UBE2E2: variants seen among roughly 807,000 people sequenced by gnomAD.
UBE2E2 encodes ubiquitin-conjugating enzyme E2 E2.
UBE2E2 carries 6 observed loss-of-function variants against 24.7 expected under a neutral mutation model. The observed-to-expected ratio is 0.24, with a 90% CI of 0.13 to 0.48. UBE2E2 has a LOEUF of 0.48. Ranked by LOEUF, UBE2E2 falls within the 20% of genes least tolerant of loss-of-function variation. The probability of loss-of-function intolerance (pLI) is 0.99; values close to 1 mark genes in which losing one functional copy is unlikely to be tolerated. For missense variants in UBE2E2, 169 were observed against 245.0 expected, an observed-to-expected ratio of 0.69 and a Z score of 2.07; for synonymous variants, 104 against 83.6, an observed-to-expected ratio of 1.24 and a Z score of -1.33.
intron 3 of UBE2E2, among the ~76,000 whole-genome samples, chr3:23,391,016 A>T (rs1696921739): frequency 6.6e-6 from 1 of 152,206 alleles, no homozygotes; most frequent in Non-Finnish European, 1.5e-5. Context: ...TTCAATGCTT[A>T]TTGTTTGTTT....
intron 3 of UBE2E2, among the ~76,000 whole-genome samples, chr3:23,260,973 T>A (rs1296341395): frequency 1.3e-5 from 2 of 152,068 alleles, no homozygotes; most frequent in East Asian, 3.9e-4. Context: ...CGTGGTGGCA[T>A]GTGCCTGTAG....
chr3:23,573,763 T>A (rs1390757409), intron 5 of UBE2E2, among the ~76,000 whole-genome samples: 1 of 152,210 alleles, frequency 6.6e-6, no homozygotes, highest in East Asian at 1.9e-4. Context: ...CTGCTTGTTG[T>A]CAGCTGATTA....
At chr3:23,266,501 C>A (rs539698932) in intron 3 of UBE2E2, among the ~76,000 whole-genome samples, 1 of 151,762 alleles carries the variant, frequency 6.6e-6, no homozygotes, top group East Asian at 1.9e-4. Flanking sequence ...GAGTTTCTGC[C>A]GAGAGATCAG....
intron 3 of UBE2E2, among the ~76,000 whole-genome samples, chr3:23,220,687 C>A (rs1696608520): frequency 6.6e-6 from 1 of 152,184 alleles, no homozygotes; most frequent in South Asian, 2.1e-4. Context: ...AGGTGCTGGG[C>A]AGTTGGTTAG....
At chr3:23,505,849 A>T (rs1047427039) in intron 4 of UBE2E2, among the ~76,000 whole-genome samples, 2 of 152,010 alleles carry the variant, frequency 1.3e-5, no homozygotes, top group Non-Finnish European at 2.9e-5. Flanking sequence ...CAAAATCTTT[A>T]TTTTTCTCAT....
chr3:23,361,966 C>T (rs1696127300), intron 3 of UBE2E2, among the ~76,000 whole-genome samples: 1 of 152,136 alleles, frequency 6.6e-6, no homozygotes, highest in South Asian at 2.1e-4. Context: ...TAATTGTATA[C>T]ATACTTAATC....
chr3:23,537,712 T>G (rs1695298664), intron 5 of UBE2E2, among the ~76,000 whole-genome samples: 1 of 152,174 alleles, frequency 6.6e-6, no homozygotes, highest in South Asian at 2.1e-4. Context: ...TGAAAACAAT[T>G]CTTATTCATA....
intron 3 of UBE2E2, among the ~76,000 whole-genome samples, chr3:23,230,607 A>G (rs950519349): frequency 6.6e-6 from 1 of 152,022 alleles, no homozygotes; most frequent in African/African-American, 2.4e-5. Flanking sequence ...GAACATGGTG[A>G]AACCCCGTCT....
intron 3 of UBE2E2, among the ~76,000 whole-genome samples, chr3:23,427,819 G>C (rs1282015971): frequency 6.6e-6 from 1 of 152,212 alleles, no homozygotes; most frequent in African/African-American, 2.4e-5. Flanking sequence ...TGTCAGAGAT[G>C]AAGAGGGGCA....
At chr3:23,255,571 A>C (rs1697699422) in intron 3 of UBE2E2, among the ~76,000 whole-genome samples, 1 of 152,180 alleles carries the variant, frequency 6.6e-6, no homozygotes, top group Non-Finnish European at 1.5e-5. Flanking sequence ...AAAGTTGTAG[A>C]GTCAAAGTAG....
chr3:23,481,011 TC>T (rs144108685), intron 3 of UBE2E2, among the ~76,000 whole-genome samples: 2,115 of 152,316 alleles, frequency 0.014, 51 homozygotes, highest in African/African-American at 0.048. Flanking sequence ...ATTCTTTGAT[TC>T]AAAATTATTA....
At chr3:23,441,678 C>T (rs1698308830) in intron 3 of UBE2E2, among the ~76,000 whole-genome samples, 2 of 152,184 alleles carry the variant, frequency 1.3e-5, no homozygotes, top group African/African-American at 4.8e-5. Flanking sequence ...TCTAGCACTG[C>T]TGACAGGTAG....
At chr3:23,295,871 G>C (rs1208984532) in intron 3 of UBE2E2, among the ~76,000 whole-genome samples, 1 of 152,286 alleles carries the variant, frequency 6.6e-6, no homozygotes, top group Non-Finnish European at 1.5e-5. Context: ...GGGAAAGGTT[G>C]ATGGAGGGAT....
At chr3:23,565,312 G>A (rs1424109175) in intron 5 of UBE2E2, among the ~76,000 whole-genome samples, 7 of 151,962 alleles carry the variant, frequency 4.6e-5, no homozygotes, top group Admixed American at 6.6e-5. Context: ...GATGCAAGCC[G>A]GATTTCCACT....
intron 3 of UBE2E2, among the ~76,000 whole-genome samples, chr3:23,234,284 T>C (rs530324397): frequency 5.3e-5 from 8 of 152,072 alleles, no homozygotes; most frequent in Non-Finnish European, 1.2e-4. Context: ...ATGACCAAAC[T>C]GAGTGCAGCT....
intron 3 of UBE2E2, among the ~76,000 whole-genome samples, chr3:23,242,059 G>A (rs539542006): frequency 6.6e-6 from 1 of 152,086 alleles, no homozygotes; most frequent in African/African-American, 2.4e-5. Context: ...ACAGGATTGG[G>A]CTAACACACC....
At chr3:23,209,140 G>A (rs922809893) in intron 2 of UBE2E2, among the ~76,000 whole-genome samples, 1 of 152,126 alleles carries the variant, frequency 6.6e-6, no homozygotes, top group African/African-American at 2.4e-5. Flanking sequence ...AACATATACA[G>A]GGTGTGTATG....
intron 5 of UBE2E2, among the ~76,000 whole-genome samples, chr3:23,586,818 A>G (rs573829394): frequency 9.1e-4 from 139 of 152,164 alleles, no homozygotes; most frequent in African/African-American, 2.8e-3. Flanking sequence ...TAGATCTACA[A>G]TTATCTATGT....
chr3:23,512,094 C>G (rs1694608233), intron 4 of UBE2E2, among the ~76,000 whole-genome samples: 1 of 152,038 alleles, frequency 6.6e-6, no homozygotes, highest in South Asian at 2.1e-4. Context: ...GTCCTGCAGC[C>G]CCTACTCTTC....
Sources: gnomAD v4.1 joint callset for allele counts (sites outside exome capture counted in the v4.1 genomes callset) on GRCh38, gnomAD v4.1.1 for gene constraint, MANE v1.5 for transcripts, NCBI Gene and HGNC (gene_info 2026-07-23, HGNC 2026-07-21) for gene names.